Variants in DNAJC6 observed in about 807,000 individuals in gnomAD.
The protein encoded by DNAJC6 is auxilin.
Under a neutral mutation model 110.0 loss-of-function variants are expected in DNAJC6, and 34 were observed. The ratio of observed to expected loss-of-function variants is 0.31; its 90% CI spans 0.24 to 0.41. The LOEUF (loss-of-function observed/expected upper bound fraction) is 0.41, where lower values mean the gene tolerates loss of function less well. DNAJC6 is among the 10% of genes least tolerant of loss of function. The pLI is 1.00. For missense variants in DNAJC6, 1,031 were observed against 1,207.8 expected, an observed-to-expected ratio of 0.85 and a Z score of 2.17; for synonymous variants, 406 against 437.2, an observed-to-expected ratio of 0.93 and a Z score of 0.89.
chr1:65,408,247 A>G (rs1646095264), intron 16 of DNAJC6, among the ~76,000 whole-genome samples: 1 of 152,232 alleles, frequency 6.6e-6, no homozygotes, highest in African/African-American at 2.4e-5. Flanking sequence ...TAAAATATCA[A>G]CAGAATATGG....
rs1453747748 is a variant in DNAJC6 at position 65,354,111 on chromosome 1, T to A, written c.194-10524T>A. The stretch of plus-strand genomic sequence containing the variant: ...AAACATGCTTCTTGCTGTTGAAGAC[T>A]CAATAGCAAGTAATTGAGTTGAGGG... On this transcript the variant is annotated intron_variant, in intron 1 of 18. Coordinates refer to ENST00000371069, the MANE Select transcript of DNAJC6 (RefSeq NM_001256864.2). Among the ~76,000 whole-genome samples, 3 of 152,154 alleles carry A rather than the reference T, an allele frequency of 2.0e-5. 1 individual carries two copies. The South Asian group carries it at 6.2e-4, about 32-fold the overall frequency.
At chr1:65,381,518 C>T (rs998688927) in intron 5 of DNAJC6, among the ~76,000 whole-genome samples, 3 of 149,576 alleles carry the variant, frequency 2.0e-5, no homozygotes, top group Non-Finnish European at 3.0e-5. Flanking sequence ...CAGTGCACTC[C>T]AGTCTGGGCA....
Position 65,413,197 on chromosome 1 carries a change from C to T in DNAJC6, c.*172C>T. ...GATAAGGAATGTGGATGTTTGGTTT[C>T]TCCAAAGTTCCCACCATAAAAGATC... On this transcript the variant is annotated 3_prime_UTR_variant, in exon 19 of 19. Coordinates refer to ENST00000371069, the MANE Select transcript of DNAJC6 (RefSeq NM_001256864.2). 2 of 567,542 alleles carry T rather than the reference C, an allele frequency of 3.5e-6. No individual in the cohort carries two copies. Among genetic ancestry groups the T allele is most frequent in the South Asian group, 4.4e-5 (2 of 45,444 alleles). The allele number at this position is 567,542 out of a possible 1,614,324, so 35.2% of individuals were successfully genotyped here.
intron 4 of DNAJC6, among the ~76,000 whole-genome samples, chr1:65,371,694 C>T (rs1340515632): frequency 6.6e-6 from 1 of 152,090 alleles, no homozygotes; most frequent in Admixed American, 6.5e-5. Context: ...CCAGCTCTAG[C>T]GATGATTTGG....
At chr1:65,289,444 T>C (rs1236102365) in intron 1 of DNAJC6, among the ~76,000 whole-genome samples, 5 of 152,182 alleles carry the variant, frequency 3.3e-5, no homozygotes, top group Non-Finnish European at 7.3e-5. Flanking sequence ...TCCACCCGCC[T>C]TGGCCACCCA....
chr1:65,328,465 G>C (rs1355287050), intron 1 of DNAJC6, among the ~76,000 whole-genome samples: 1 of 152,164 alleles, frequency 6.6e-6, no homozygotes, highest in African/African-American at 2.4e-5. Context: ...TCACAGCCAG[G>C]ATGTTGACAT....
intron 1 of DNAJC6, among the ~76,000 whole-genome samples, chr1:65,284,293 CA>C (rs1010436084): frequency 3.9e-5 from 6 of 152,208 alleles, no homozygotes; most frequent in African/African-American, 1.4e-4. Context: ...AGCCCCTCAG[CA>C]TCTCCTTTCT....
At position 65,413,794 on chromosome 1, in the gene DNAJC6, GTCTT is replaced by G. The variant is rs1256190130; in HGVS notation, c.*770_*773del. 1 of 152,190 alleles carries G rather than the reference GTCTT, an allele frequency of 6.6e-6. No individual in the cohort carries two copies. The highest frequency in any genetic ancestry group is 1.5e-5 in the Non-Finnish European group (1 of 68,028). 9.4% of individuals were successfully genotyped at this position (152,190 alleles called of 1,614,324 possible). A position where few individuals can be genotyped will look rare whatever the true frequency, so the allele number is the denominator to read the frequency against. On this transcript the variant is annotated 3_prime_UTR_variant, in exon 19 of 19. Coordinates refer to ENST00000371069, the MANE Select transcript of DNAJC6 (RefSeq NM_001256864.2). Reference sequence around the variant, plus strand: ...AAAACTGTGATTAATTAAATAAAAAGTCTTACTACTATAACAACTCTAAACCTGG... The same window carrying G: ...AAAACTGTGATTAATTAAATAAAAAGACTACTATAACAACTCTAAACCTGG...
chr1:65,414,844 T>C lies in DNAJC6; in HGVS notation c.*1819T>C, dbSNP rs371722975. ...CTTTCTCATTCACATTTGTAGATAT[T>C]GTGTGAACTACAGTATATAATGATA... is the stretch of plus-strand genomic sequence containing the variant. On this transcript the variant is annotated 3_prime_UTR_variant, in exon 19 of 19. Transcript: ENST00000371069. 17 of 152,778 alleles carry C rather than the reference T, an allele frequency of 1.1e-4. No homozygotes were observed. The highest frequency in any genetic ancestry group is 4.1e-4 in the African/African-American group (17 of 41,586). 9.5% of individuals were successfully genotyped at this position (152,778 alleles called of 1,614,324 possible).
chr1:65,312,381 G>A (rs1314384412), intron 1 of DNAJC6, among the ~76,000 whole-genome samples: 5 of 152,192 alleles, frequency 3.3e-5, no homozygotes, highest in Non-Finnish European at 7.3e-5. Context: ...TATATGTCTT[G>A]CCTAATTATA....
upstream of DNAJC6, among the ~76,000 whole-genome samples, chr1:65,306,971 TTTCTCTCTC>T (rs1645045625): frequency 8.4e-5 from 9 of 107,188 alleles, no homozygotes; most frequent in African/African-American, 3.4e-4. Flanking sequence ...TCTCAATCTG[TTTCTCTCTC>T]TCTCTCTCTC....
intron 1 of DNAJC6, among the ~76,000 whole-genome samples, chr1:65,300,979 C>T (rs959308693): frequency 3.3e-5 from 5 of 152,322 alleles, no homozygotes; most frequent in African/African-American, 7.2e-5. Context: ...CATAAAATCA[C>T]ACATAATGGG....
At chr1:65,275,277 A>G (rs1653632510) in intron 1 of DNAJC6, among the ~76,000 whole-genome samples, 2 of 152,212 alleles carry the variant, frequency 1.3e-5, no homozygotes, top group African/African-American at 4.8e-5. Flanking sequence ...CTAGAAACAA[A>G]TATTCTCAGT....
chr1:65,300,274 G>C (rs1458521908), intron 1 of DNAJC6, among the ~76,000 whole-genome samples: 1 of 152,086 alleles, frequency 6.6e-6, no homozygotes, highest in Admixed American at 6.6e-5. Flanking sequence ...GTTTCATTGT[G>C]AATGTCTTCC....
intron 1 of DNAJC6, among the ~76,000 whole-genome samples, chr1:65,345,122 C>T (rs1645425356): frequency 6.6e-6 from 1 of 151,044 alleles, no homozygotes; most frequent in South Asian, 2.1e-4. Flanking sequence ...TATCATAGGC[C>T]TTCTCTCTGT....
chr1:65,349,576 A>G (rs915523135), intron 1 of DNAJC6, among the ~76,000 whole-genome samples: 2 of 152,132 alleles, frequency 1.3e-5, no homozygotes, highest in African/African-American at 2.4e-5. Context: ...TTTGCTGTCT[A>G]TAAAGTTCTT....
At position 65,316,434 on chromosome 1, in the gene DNAJC6, G is replaced by A. The variant is rs150239552; in HGVS notation, c.193+6496G>A. On this transcript the variant is annotated intron_variant, in intron 1 of 18. Coordinates refer to ENST00000371069, the MANE Select transcript of DNAJC6 (RefSeq NM_001256864.2). ...ATGCTCCTCAGCAGCCTTTACTTCC[G>A]TATCACAGCTCTCATCACATTGAGT... Among the ~76,000 whole-genome samples, 218 of 152,236 alleles carry A rather than the reference G, an allele frequency of 1.4e-3. 3 individuals carry two copies. The East Asian group carries it at 0.03, about 21-fold the overall frequency.
chr1:65,340,584 C>T (rs1645380072), intron 1 of DNAJC6, among the ~76,000 whole-genome samples: 1 of 152,104 alleles, frequency 6.6e-6, no homozygotes, highest in South Asian at 2.1e-4. Context: ...GACTTTTATC[C>T]AGTCATTTAA....
chr1:65,383,249 G>A (rs775612259), intron 5 of DNAJC6, among the ~76,000 whole-genome samples: 1 of 152,176 alleles, frequency 6.6e-6, no homozygotes, highest in Non-Finnish European at 1.5e-5. Flanking sequence ...ACCATAGACC[G>A]GGTGGCTTAA....
Sources: allele counts gnomAD v4.1 joint callset (sites outside exome capture counted in the v4.1 genomes callset), GRCh38; gene constraint gnomAD v4.1.1; transcripts MANE v1.5; gene names NCBI Gene and HGNC (gene_info 2026-07-23, HGNC 2026-07-21).